Variants in KCTD20 observed in about 807,000 individuals in gnomAD.
The protein encoded by KCTD20 is potassium channel tetramerization domain containing 20.
KCTD20 carries 30 observed loss-of-function variants against 39.6 expected under a neutral mutation model. The ratio of observed to expected loss-of-function variants is 0.76; its 90% confidence interval spans 0.57 to 1.03. The LOEUF (loss-of-function observed/expected upper bound fraction) is 1.03, where lower values mean the gene tolerates loss of function less well. KCTD20 is among the 50% of genes least tolerant of loss of function. The pLI is 0.00. For synonymous variants in KCTD20, 162 were observed against 180.6 expected (o/e 0.90, Z 0.83); for missense variants, 422 against 522.0 (o/e 0.81, Z 1.87).
chr6:36,464,454 GACA>G (rs1350466574), intron 1 of KCTD20, among the ~76,000 whole-genome samples: 4 of 152,148 alleles, frequency 2.6e-5, no homozygotes, highest in Non-Finnish European at 5.9e-5. Flanking sequence ...GAGCAGCTGG[GACA>G]ACAAGTGTAC....
chr6:36,474,580 C>T (rs993309040), intron 2 of KCTD20, among the ~76,000 whole-genome samples: 3 of 152,192 alleles, frequency 2.0e-5, no homozygotes, highest in Non-Finnish European at 2.9e-5. Context: ...CCAACCCTCA[C>T]ATGTACATGG....
At chr6:36,459,337 T>G (rs1323935564) in intron 1 of KCTD20, among the ~76,000 whole-genome samples, 1 of 152,186 alleles carries the variant, frequency 6.6e-6, no homozygotes, top group Non-Finnish European at 1.5e-5. Flanking sequence ...AAGATATCAT[T>G]TAGGTACAAA....
chr6:36,480,410 CTTT>C (rs550520667), intron 5 of KCTD20, among the ~76,000 whole-genome samples: 15 of 121,764 alleles, frequency 1.2e-4, no homozygotes, highest in African/African-American at 3.5e-4. Flanking sequence ...ATGATATTGC[CTTT>C]TTTTTTTTTT....
intron 1 of KCTD20, among the ~76,000 whole-genome samples, chr6:36,467,518 A>C (rs1775796173): frequency 6.7e-6 from 1 of 149,926 alleles, no homozygotes. Flanking sequence ...TTGTATTTTT[A>C]ATAGAGACGG....
intron 1 of KCTD20, among the ~76,000 whole-genome samples, chr6:36,452,369 T>C (rs1225476843): frequency 6.6e-6 from 1 of 152,156 alleles, no homozygotes; most frequent in Non-Finnish European, 1.5e-5. Flanking sequence ...CTTTGCAGAT[T>C]TTCTAATTTT....
Position 36,448,013 on chromosome 6 carries a change from G to GTATATATATA in KCTD20, c.-47+4903_-47+4904insATATATATAT, listed in dbSNP as rs10645937. ...CTCCAAAATATATGTGTATGTGTGT[G>GTATATATATA]TGTATATATATATATATATATATAT... On this transcript the variant is annotated intron_variant, in intron 1 of 7. Transcript: ENST00000373731. Among the ~76,000 whole-genome samples, 409 of 128,916 alleles carry GTATATATATA rather than the reference G, an allele frequency of 3.2e-3. 1 individual carries two copies. The highest frequency in any genetic ancestry group is 6.6e-3 in the African/African-American group (202 of 30,814). 84.6% of individuals were successfully genotyped at this position (128,916 alleles called of 152,430 possible). A position where few individuals can be genotyped will look rare whatever the true frequency, so the allele number is the denominator to read the frequency against.
intron 1 of KCTD20, among the ~76,000 whole-genome samples, chr6:36,454,784 C>T (rs1349360270): frequency 1.3e-5 from 2 of 151,928 alleles, no homozygotes; most frequent in Non-Finnish European, 2.9e-5. Flanking sequence ...ACTACAGGCA[C>T]CCACCTGCCT....
intron 2 of KCTD20, among the ~76,000 whole-genome samples, chr6:36,473,083 CAG>C (rs1775958588): frequency 6.6e-6 from 1 of 150,514 alleles, no homozygotes; most frequent in South Asian, 2.1e-4. Context: ...TTTTTTGAGA[CAG>C]AGTCTTGCTC....
rs148197481 is a variant in KCTD20 at position 36,455,402 on chromosome 6, C to T, written c.-47+12291C>T. On this transcript the variant is annotated intron_variant, in intron 1 of 7. Transcript: ENST00000373731. ...CAGCCTGGGCGACAGAGCAAGACTCCGTCTAAAAACAAAAACAGAACAAAC... is the reference window on the plus strand; with the variant it reads ...CAGCCTGGGCGACAGAGCAAGACTCTGTCTAAAAACAAAAACAGAACAAAC... Among the ~76,000 whole-genome samples the T allele has an allele frequency of 4.0e-3, 611 of 152,210 alleles. 7 individuals carry two copies. The highest frequency in any genetic ancestry group is 0.014 in the African/African-American group (575 of 41,552).
chr6:36,464,617 C>A (rs926304560), intron 1 of KCTD20, among the ~76,000 whole-genome samples: 108 of 152,284 alleles, frequency 7.1e-4, no homozygotes, highest in African/African-American at 2.6e-3. Context: ...TCCCCTCCCC[C>A]AAACTTCATC....
Position 36,470,188 on chromosome 6 carries a change from A to G in KCTD20, c.91A>G (p.Lys31Glu), listed in dbSNP as rs943897027. 13 of 1,614,038 alleles carry G rather than the reference A, an allele frequency of 8.1e-6. No individual in the cohort carries two copies. Among genetic ancestry groups the G allele is most frequent in the Admixed American group, 6.7e-5 (4 of 59,980 alleles). Residue 31 changes from lysine (K) to glutamate (E), a missense_variant, in exon 2 of 8, where the codon AAA (lysine) becomes GAA (glutamate). Transcript: ENST00000373731. ...TGATACTTTAGCTGTAGCCCAAGAA[A>G]AAGAAGCAAACAGCCTGGCTTCATC... Reference protein sequence around the residue: ...VDDTLAVAQEKEANSLASSGP... With the variant: ...VDDTLAVAQEEEANSLASSGP...
chr6:36,460,634 T>C (rs906874636), intron 1 of KCTD20, among the ~76,000 whole-genome samples: 1 of 152,120 alleles, frequency 6.6e-6, no homozygotes, highest in African/African-American at 2.4e-5. Context: ...TGAACTCAGA[T>C]TGTAAAATCA....
intron 1 of KCTD20, among the ~76,000 whole-genome samples, chr6:36,446,905 A>C (rs142728394): frequency 2.6e-5 from 4 of 152,240 alleles, no homozygotes; most frequent in Admixed American, 6.5e-5. Flanking sequence ...GTTCTATACC[A>C]GCCACTTACT....
chr6:36,467,813 T>C (rs1775806035), intron 1 of KCTD20, among the ~76,000 whole-genome samples: 1 of 152,160 alleles, frequency 6.6e-6, no homozygotes, highest in Non-Finnish European at 1.5e-5. Flanking sequence ...TAATAGAATA[T>C]TATACAGCCC....
chr6:36,479,600 A>G lies in KCTD20; in HGVS notation c.547A>G (p.Lys183Glu). The G allele has an allele frequency of 6.2e-7, 1 of 1,605,060 alleles. No individual in the cohort carries two copies. Among genetic ancestry groups the G allele is most frequent in the Admixed American group, 1.7e-5 (1 of 58,738 alleles). Residue 183 changes from lysine (K) to glutamate (E), a missense_variant, in exon 5 of 8, where the codon AAA (lysine) becomes GAA (glutamate). Transcript: ENST00000373731. Reference sequence around the variant, plus strand: ...CCTAATCTATTTACAGGATTATTACAAAACCGGTATCATCAATTGTCCTGA... The same window carrying G: ...CCTAATCTATTTACAGGATTATTACGAAACCGGTATCATCAATTGTCCTGA... ...TVFRTVLDYY[K>E]TGIINCPDGI...
rs1315264918 is a variant in KCTD20, at chr6:36,461,006, TTAAA to T, written c.-46-9042_-46-9039del. ...TCTACCTCATAAAGTTTTTTGAGTA[TTAAA>T]TAATATTTATAAAGTACTTAAATAA... On this transcript the variant is annotated intron_variant, in intron 1 of 7. Coordinates refer to ENST00000373731, the MANE Select transcript of KCTD20 (RefSeq NM_173562.5). Among the ~76,000 whole-genome samples, 4 of 152,124 alleles carry T rather than the reference TTAAA, an allele frequency of 2.6e-5. No homozygotes were observed. The South Asian group carries it at 6.2e-4, about 24-fold the overall frequency.
At chr6:36,464,150 G>T (rs1432111019) in intron 1 of KCTD20, among the ~76,000 whole-genome samples, 1 of 152,110 alleles carries the variant, frequency 6.6e-6, no homozygotes, top group Non-Finnish European at 1.5e-5. Flanking sequence ...CTGCTCCCTT[G>T]ACCAAAACAC....
rs772398428 is a variant in KCTD20, at chr6:36,488,002, A to T, written c.*827A>T. 2.6e-5 allele frequency: 4 copies of T among 152,224 alleles called. No homozygotes were observed. Among genetic ancestry groups the T allele is most frequent in the Non-Finnish European group, 4.4e-5 (3 of 68,044 alleles). The allele number at this position is 152,224 out of a possible 1,614,324, so 9.4% of individuals were successfully genotyped here. ...AGGTCTTAACACTCTGGAGCAGCAC[A>T]TTGCTGTGGATATGTCCAGGAGACC... On this transcript the variant is annotated 3_prime_UTR_variant, in exon 8 of 8. Coordinates refer to ENST00000373731, the MANE Select transcript of KCTD20 (RefSeq NM_173562.5).
chr6:36,481,951 CTCTT>C (rs1561959033), intron 6 of KCTD20, among the ~76,000 whole-genome samples, 192 bp downstream of exon 6: 1 of 152,206 alleles, frequency 6.6e-6, no homozygotes, highest in Non-Finnish European at 1.5e-5. Flanking sequence ...TCACCATTCA[CTCTT>C]TCTCTGGTGT....
Sources: allele counts gnomAD v4.1 joint callset (sites outside exome capture counted in the v4.1 genomes callset), GRCh38; gene constraint gnomAD v4.1.1; transcripts MANE v1.5; gene names NCBI Gene and HGNC (gene_info 2026-07-23, HGNC 2026-07-21).